The following SUGP1 variants were observed in gnomAD, a reference collection of about 807,000 sequenced individuals.
SUGP1 encodes the protein SURP and G-patch domain containing 1.
SUGP1 carries 34 observed loss-of-function variants against 76.5 expected under a neutral mutation model. The ratio of observed to expected loss-of-function variants is 0.44; its 90% CI spans 0.34 to 0.59. The LOEUF (loss-of-function observed/expected upper bound fraction) is 0.59, where lower values mean the gene tolerates loss of function less well. Among genes scored for constraint, SUGP1 ranks in the 20% least tolerant of loss-of-function variants. The pLI is 0.01. For missense variants in SUGP1, 752 were observed against 851.7 expected, an observed-to-expected ratio of 0.88 and a Z score of 1.46; for synonymous variants, 326 against 326.2, an observed-to-expected ratio of 1.00 and a Z score of 0.01.
In SUGP1 at chr19:19,308,679, C is replaced by G. The variant is rs955826503; in HGVS notation, c.310+1418G>C. Among the ~76,000 whole-genome samples the G allele has an allele frequency of 1.2e-4, 19 of 152,368 alleles. No individual in the cohort carries two copies. The South Asian group carries it at 3.9e-3, about 32-fold the overall frequency. ...TCTGAAAACCCTGTATGCAGAAGACCTGCTCACCCCTGCTGGTGGGTTCAA... is the reference window on the plus strand; with the variant it reads ...TCTGAAAACCCTGTATGCAGAAGACGTGCTCACCCCTGCTGGTGGGTTCAA... On this transcript the variant is annotated intron_variant, in intron 3 of 13. Transcript: ENST00000247001.
At chr19:19,309,693 A>C (rs189634756) in intron 3 of SUGP1, among the ~76,000 whole-genome samples, 202 of 152,136 alleles carry the variant, frequency 1.3e-3, no homozygotes, top group African/African-American at 4.7e-3. Context: ...GGCGGATCAC[A>C]AGGTCAGGAG....
Position 19,297,358 on chromosome 19 carries a change from T to C in SUGP1, c.888-14A>G. On this transcript the variant is annotated splice_polypyrimidine_tract_variant and intron_variant, in intron 7 of 13. Coordinates refer to ENST00000247001, the MANE Select transcript of SUGP1 (RefSeq NM_172231.4). ...TCATACAGAAAGCTGCAAAGGAGAG[T>C]TGGGGGGTGCAGTGTCAGCTGGGCC... The C allele has an allele frequency of 1.3e-6, 2 of 1,488,002 alleles. No individual in the cohort carries two copies. Among genetic ancestry groups the C allele is most frequent in the Non-Finnish European group, 1.8e-6 (2 of 1,111,380 alleles). 92.2% of individuals were successfully genotyped at this position (1,488,002 alleles called of 1,614,324 possible). A position where few individuals can be genotyped will look rare whatever the true frequency, so the allele number is the denominator to read the frequency against.
chr19:19,281,639 T>C (rs2061099718), intron 8 of SUGP1: 1 of 152,226 alleles, frequency 6.6e-6, no homozygotes, highest in South Asian at 2.1e-4. Flanking sequence ...ACACAGGTGA[T>C]GGCGCCACAC....
chr19:19,314,772 C>A (rs972853605), intron 2 of SUGP1, among the ~76,000 whole-genome samples: 1 of 152,308 alleles, frequency 6.6e-6, no homozygotes, highest in South Asian at 2.1e-4. Flanking sequence ...CAGTGGCTCA[C>A]GCCTGTAATC....
At chr19:19,320,436 C>T (rs2061435952) in intron 1 of SUGP1, 27 bp downstream of exon 1, 4 of 1,606,460 alleles carry the variant, frequency 2.5e-6, no homozygotes, top group Middle Eastern at 1.7e-4. Context: ...CCCAGGCGGC[C>T]GCCTGAGAGG....
rs1042583257 is a variant in SUGP1 at position 19,277,256 on chromosome 19, G to C, written c.1782-180C>G. The stretch of plus-strand genomic sequence containing the variant: ...GGGGAGACCCCCGGGGCGGGCGGGG[G>C]GGGGGGGCCTAGGCCCCAGGGTCCC... On this transcript the variant is annotated intron_variant, in intron 12 of 13. Transcript: ENST00000247001. Among the ~76,000 whole-genome samples the C allele has an allele frequency of 1.7e-4, 26 of 150,710 alleles. 1 individual carries two copies. Among genetic ancestry groups the C allele is most frequent in the East Asian group, 7.9e-4 (4 of 5,082 alleles).
chr19:19,279,187 C>T (rs1599843427), intron 10 of SUGP1, 26 bp downstream of exon 10: 1 of 1,531,764 alleles, frequency 6.5e-7, no homozygotes. Flanking sequence ...CCAGCCCAGC[C>T]CGGCCCACCC....
chr19:19,277,713 C>G, intron 12 of SUGP1, 21 bp downstream of exon 12: 1 of 1,611,754 alleles, frequency 6.2e-7, no homozygotes, highest in Non-Finnish European at 8.5e-7. Context: ...TGGCCATGCC[C>G]TCCCACAAGG....
At chr19:19,279,882 T>C (rs774346757) in intron 9 of SUGP1, among the ~76,000 whole-genome samples, 1 of 152,196 alleles carries the variant, frequency 6.6e-6, no homozygotes, top group Non-Finnish European at 1.5e-5. Context: ...GAACCAGCCC[T>C]GGAGCGCGGC....
intron 8 of SUGP1, among the ~76,000 whole-genome samples, chr19:19,295,999 A>T (rs978627092): frequency 1.3e-5 from 2 of 152,204 alleles, no homozygotes; most frequent in Admixed American, 6.6e-5. Context: ...AGACGACGAG[A>T]TATCACTTCA....
intron 4 of SUGP1, 119 bp from the exon 5 acceptor site, chr19:19,303,966 G>A (rs751951999): frequency 1.3e-6 from 2 of 1,597,856 alleles, no homozygotes; most frequent in Admixed American, 3.3e-5. Context: ...AGATGCAGGA[G>A]GCTGTCGGGC....
chr19:19,318,539 C>T (rs943767518), intron 1 of SUGP1, among the ~76,000 whole-genome samples: 3 of 152,110 alleles, frequency 2.0e-5, no homozygotes, highest in African/African-American at 7.2e-5. Flanking sequence ...AGAGATTCTC[C>T]CACCTCAGCC....
chr19:19,294,581 T>C (rs2061210800), intron 8 of SUGP1, among the ~76,000 whole-genome samples: 1 of 150,580 alleles, frequency 6.6e-6, no homozygotes, highest in Non-Finnish European at 1.5e-5. Flanking sequence ...AAACTCTCGG[T>C]AGGAAACACA....
intron 2 of SUGP1, among the ~76,000 whole-genome samples, chr19:19,311,260 T>C (rs75892146): frequency 0.014 from 2,068 of 152,096 alleles, 38 homozygotes; most frequent in African/African-American, 0.046. Flanking sequence ...TCAACTTTGA[T>C]TTAAATATAT....
chr19:19,276,681 A>C lies in SUGP1; in HGVS notation c.1912-7T>G, dbSNP rs757082310. ...AAGGCCGTCTGGGATTGTTCTGTGGAAGGCAAAACAGATAACAGGAGGAGG... is the reference window on the plus strand; with the variant it reads ...AAGGCCGTCTGGGATTGTTCTGTGGCAGGCAAAACAGATAACAGGAGGAGG... On this transcript the variant is annotated splice_polypyrimidine_tract_variant and splice_region_variant and intron_variant, in intron 13 of 13. Transcript: ENST00000247001. 8.1e-6 allele frequency: 13 copies of C among 1,614,024 alleles called. No homozygotes were observed. The highest frequency in any genetic ancestry group is 1.0e-5 in the Non-Finnish European group (12 of 1,180,042).
Position 19,305,861 on chromosome 19 carries a change from G to C in SUGP1, c.526C>G (p.Leu176Val), listed in dbSNP as rs2061313214. The change falls in exon 4 of 14, where the codon CTG (leucine) becomes GTG (valine). Residue 176 changes from leucine to valine, a missense_variant. By Grantham distance (32) the Leu-to-Val change is conservative. Coordinates refer to ENST00000247001, the MANE Select transcript of SUGP1 (RefSeq NM_172231.4). ...TCCCACAACTTACCTTTGATCTCCA[G>C]CCACTGCTCATAGTCCTCCTCCTCG... ...EDEEEDYEQWLEIKVSPPEGA... is the reference protein window; with the variant it reads ...EDEEEDYEQWVEIKVSPPEGA... 6.2e-7 allele frequency: 1 copy of C among 1,606,352 alleles called. No individual in the cohort carries two copies. Among genetic ancestry groups the C allele is most frequent in the Non-Finnish European group, 8.5e-7 (1 of 1,174,948 alleles).
intron 8 of SUGP1, among the ~76,000 whole-genome samples, chr19:19,281,898 T>C (rs1055040095): frequency 6.6e-6 from 1 of 152,176 alleles, no homozygotes; most frequent in Non-Finnish European, 1.5e-5. Flanking sequence ...CTCCCCGAAA[T>C]TGCTGCTAAG....
chr19:19,284,301 A>C (rs1850781715), intron 8 of SUGP1, among the ~76,000 whole-genome samples: 2 of 152,204 alleles, frequency 1.3e-5, no homozygotes, highest in South Asian at 4.1e-4. Flanking sequence ...TCTCAAAAAA[A>C]AGTGCCACTA....
chr19:19,289,080 G>A (rs1041018855), intron 8 of SUGP1, among the ~76,000 whole-genome samples: 11 of 151,592 alleles, frequency 7.3e-5, no homozygotes, highest in Non-Finnish European at 1.3e-4. Context: ...CACCAAACCC[G>A]GCCTATATTC....
Sources: allele counts gnomAD v4.1 joint callset (sites outside exome capture counted in the v4.1 genomes callset), GRCh38; gene constraint gnomAD v4.1.1; transcripts MANE v1.5; gene names NCBI Gene and HGNC (gene_info 2026-07-23, HGNC 2026-07-21).